STRIP2: variants seen among roughly 807,000 people sequenced by gnomAD.
STRIP2 encodes striatin-interacting protein 2.
A neutral mutation model predicts 107.1 loss-of-function variants in STRIP2; 84 were observed. The observed-to-expected ratio is 0.78, with a 90% CI of 0.66 to 0.94. The LOEUF (loss-of-function observed/expected upper bound fraction) is 0.94. STRIP2 is among the 40% of genes least tolerant of loss of function. The pLI is 0.00. For missense variants in STRIP2, 888 were observed against 1,034.2 expected (o/e 0.86, Z 1.94); for synonymous variants, 394 against 400.4 (o/e 0.98, Z 0.19).
chr7:129,436,066 A>T (rs916402198), intron 1 of STRIP2, among the ~76,000 whole-genome samples: 1 of 152,048 alleles, frequency 6.6e-6, no homozygotes, highest in Non-Finnish European at 1.5e-5. Flanking sequence ...CTTCAAGATG[A>T]GTCTGGTCTT....
At chr7:129,484,328 G>T (rs1799195142) in intron 20 of STRIP2, among the ~76,000 whole-genome samples, 2 of 152,184 alleles carry the variant, frequency 1.3e-5, no homozygotes, top group African/African-American at 4.8e-5. Context: ...ACCAGAACTT[G>T]TAAGATTGAT....
In STRIP2 at chr7:129,480,908, A is replaced by G. The variant is rs192614003; in HGVS notation, c.2049+19A>G. ...GACCATGGTGAGTGTGGTTTTTTAC[A>G]TCATGGAGTTGTCCATCTGACTGAA... is the stretch of plus-strand genomic sequence containing the variant. On this transcript the variant is annotated intron_variant, in intron 19 of 20. Coordinates refer to ENST00000249344, the MANE Select transcript of STRIP2 (RefSeq NM_020704.3). 1.2e-3 allele frequency: 1,977 copies of G among 1,581,610 alleles called. 9 individuals are homozygous for G. The highest frequency in any genetic ancestry group is 6.9e-3 in the South Asian group (602 of 87,402).
intron 1 of STRIP2, among the ~76,000 whole-genome samples, chr7:129,439,211 A>G (rs1797832006): frequency 6.6e-6 from 1 of 152,036 alleles, no homozygotes; most frequent in African/African-American, 2.4e-5. Flanking sequence ...AATAACTGAC[A>G]CTCCTATCAC....
intron 3 of STRIP2, among the ~76,000 whole-genome samples, chr7:129,445,060 C>T (rs923092407): frequency 3.9e-5 from 6 of 152,088 alleles, no homozygotes; most frequent in Non-Finnish European, 1.5e-5. Flanking sequence ...CTTGGCAGGT[C>T]GTGGTTTTTT....
At chr7:129,437,311 A>G (rs1471658024) in intron 1 of STRIP2, among the ~76,000 whole-genome samples, 1 of 152,068 alleles carries the variant, frequency 6.6e-6, no homozygotes, top group Non-Finnish European at 1.5e-5. Context: ...GCCAGGCATG[A>G]TGGTGCGCGC....
intron 18 of STRIP2, among the ~76,000 whole-genome samples, chr7:129,475,165 A>G (rs527406026): frequency 6.6e-6 from 1 of 152,114 alleles, no homozygotes; most frequent in South Asian, 2.1e-4. Flanking sequence ...TGGTCTTTGA[A>G]AGGAGGTTGC....
intron 2 of STRIP2, among the ~76,000 whole-genome samples, chr7:129,443,604 C>T (rs1216060534): frequency 6.6e-6 from 1 of 152,186 alleles, no homozygotes; most frequent in Non-Finnish European, 1.5e-5. Context: ...GCCATGGTTT[C>T]CTGATCCAGC....
chr7:129,480,761 A>C, intron 18 of STRIP2, 24 bp from the exon 19 acceptor site: 9 of 1,590,232 alleles, frequency 5.7e-6, no homozygotes, highest in Non-Finnish European at 7.7e-6. Context: ...GTATTAAGAT[A>C]ATGATGGATG....
chr7:129,468,295 G>T lies in STRIP2; in HGVS notation c.1877+845G>T, dbSNP rs567614301. 1.1e-4 allele frequency among the ~76,000 whole-genome samples: 17 copies of T among 152,254 alleles called. No homozygotes were observed. The South Asian group carries it at 3.5e-3, about 32-fold the overall frequency. Reference sequence around the variant, plus strand: ...ATTGCCACACTAGTTTGTCAGTACTGCCTGAAATTCCACCATGGAGAAGGA... The same window carrying T: ...ATTGCCACACTAGTTTGTCAGTACTTCCTGAAATTCCACCATGGAGAAGGA... On this transcript the variant is annotated intron_variant, in intron 17 of 20. Coordinates refer to ENST00000249344, the MANE Select transcript of STRIP2 (RefSeq NM_020704.3).
At chr7:129,436,642 C>T (rs577026069) in intron 1 of STRIP2, among the ~76,000 whole-genome samples, 4 of 152,336 alleles carry the variant, frequency 2.6e-5, no homozygotes, top group Admixed American at 2.6e-4. Context: ...ACCACAGTAC[C>T]CAGGTGCCAG....
At chr7:129,467,594 G>T in intron 17 of STRIP2, 144 bp downstream of exon 17, 1 of 550,312 alleles carries the variant, frequency 1.8e-6, no homozygotes, top group Non-Finnish European at 3.2e-6. Context: ...TTTCCTTGAA[G>T]TGTTAGCTGA....
At chr7:129,450,918 C>CTTTTTTTTTTTTTTTTT (rs758536953) in intron 3 of STRIP2, among the ~76,000 whole-genome samples, 1 of 54,470 alleles carries the variant, frequency 1.8e-5, no homozygotes, top group Non-Finnish European at 3.2e-5. Flanking sequence ...GAGAAAGGTC[C>CTTTTTTTTTTTTTTTTT]TTTTTTTTTT....
Position 129,464,116 on chromosome 7 carries a change from G to T in STRIP2, c.1624G>T (p.Ala542Ser). 6.2e-7 allele frequency: 1 copy of T among 1,612,758 alleles called. No homozygotes were observed. The highest frequency in any genetic ancestry group is 8.5e-7 in the Non-Finnish European group (1 of 1,179,968). ...TAAGACAGACTCTATCAATATCCTG[G>T]CAGATGTCCTACCTGAGGAGATGCC... is the stretch of plus-strand genomic sequence containing the variant. Reference protein sequence around the residue: ...KAKTDSINILADVLPEEMPIT... With the variant: ...KAKTDSINILSDVLPEEMPIT... The change falls in exon 15 of 21, where the codon GCA (alanine) becomes TCA (serine). Residue 542 changes from alanine to serine, a missense_variant. Transcript: ENST00000249344.
At chr7:129,467,171 T>A (rs548562075) in intron 16 of STRIP2, among the ~76,000 whole-genome samples, 179 bp from the exon 17 acceptor site, 2 of 152,340 alleles carry the variant, frequency 1.3e-5, no homozygotes, top group Non-Finnish European at 2.9e-5. Context: ...CCCCTCCATG[T>A]AGGATGGGCT....
At chr7:129,470,838 T>C in intron 18 of STRIP2, 123 bp downstream of exon 18, 2 of 803,310 alleles carry the variant, frequency 2.5e-6, no homozygotes, top group Non-Finnish European at 2.1e-6. Context: ...AATGAAGGTA[T>C]ATTGGCAAGA....
intron 8 of STRIP2, 77 bp downstream of exon 8, chr7:129,455,448 C>T: frequency 6.6e-7 from 1 of 1,522,352 alleles, no homozygotes. Context: ...AGTCTCATTC[C>T]AGGAGGCTGG....
chr7:129,443,118 A>G (rs1004829947), intron 2 of STRIP2, among the ~76,000 whole-genome samples: 2 of 151,252 alleles, frequency 1.3e-5, no homozygotes, highest in African/African-American at 2.4e-5. Flanking sequence ...ATAGCTCACT[A>G]AAGCCTCAAA....
Position 129,458,953 on chromosome 7 carries a change from A to C in STRIP2, c.1340+176A>C, listed in dbSNP as rs979651317. Among the ~76,000 whole-genome samples, 2 of 152,090 alleles carry C rather than the reference A, an allele frequency of 1.3e-5. No individual in the cohort carries two copies. The highest frequency in any genetic ancestry group is 1.5e-5 in the Non-Finnish European group (1 of 68,004). ...TTTCTATGGATTTCTTTTTTCCTTG[A>C]GTTTCTTCCACTTTTCCTCAAAGAA... is the stretch of plus-strand genomic sequence containing the variant. On this transcript the variant is annotated intron_variant, in intron 11 of 20. Coordinates refer to ENST00000249344, the MANE Select transcript of STRIP2 (RefSeq NM_020704.3). This position sits in a 1 kb window ranked among gnomAD's most constrained non-coding sequence, Gnocchi z 4.6.
chr7:129,443,973 C>A, intron 2 of STRIP2, 51 bp from the exon 3 acceptor site: 1 of 1,439,940 alleles, frequency 6.9e-7, no homozygotes, highest in Non-Finnish European at 9.8e-7. Flanking sequence ...TACTTTGGGC[C>A]TCTTCTTTAA....
Sources: allele counts gnomAD v4.1 joint callset (sites outside exome capture counted in the v4.1 genomes callset), GRCh38; gene constraint gnomAD v4.1.1; non-coding constraint Gnocchi (gnomAD v3.1); transcripts MANE v1.5; gene names NCBI Gene and HGNC (gene_info 2026-07-23, HGNC 2026-07-21).